VPS37A: variants seen among roughly 807,000 people sequenced by gnomAD.
The protein encoded by VPS37A is vacuolar protein sorting-associated protein 37A.
In VPS37A, 30 loss-of-function variants were observed where a neutral mutation model predicts 49.8. The observed-to-expected ratio is 0.60, with a 90% CI of 0.45 to 0.82. The LOEUF is 0.82. Ranked by LOEUF, VPS37A falls within the 40% of genes least tolerant of loss-of-function variation. The pLI, the probability that VPS37A is intolerant of heterozygous loss-of-function variation, is 0.00. For synonymous variants in VPS37A, 195 were observed against 160.6 expected (o/e 1.21, Z -1.62); for missense variants, 593 against 464.4 (o/e 1.28, Z -2.55).
chr8:17,279,840 A>C (rs1244730278), intron 6 of VPS37A, 188 bp from the exon 7 acceptor site: 2 of 702,902 alleles, frequency 2.8e-6, no homozygotes, highest in African/African-American at 3.5e-5. Context: ...TATATTACAG[A>C]CTGCTCTATG....
chr8:17,248,257 A>G (rs1364167677), intron 1 of VPS37A: 1 of 372,616 alleles, frequency 2.7e-6, no homozygotes, highest in Non-Finnish European at 5.4e-6. Context: ...TAAGTCCCTA[A>G]CCCCTTTTTT....
intron 11 of VPS37A, among the ~76,000 whole-genome samples, chr8:17,291,630 C>G (rs1391040690): frequency 3.9e-5 from 6 of 152,058 alleles, no homozygotes; most frequent in African/African-American, 1.4e-4. Flanking sequence ...ATAAATTTCC[C>G]TCTAAACACA....
intron 1 of VPS37A, among the ~76,000 whole-genome samples, chr8:17,256,726 C>G (rs951046730): frequency 6.6e-6 from 1 of 151,764 alleles, no homozygotes; most frequent in African/African-American, 2.4e-5. Context: ...TGTCTCGGCT[C>G]ACCACAACCT....
downstream of VPS37A, chr8:17,302,369 C>A: frequency 7.3e-7 from 1 of 1,371,566 alleles, no homozygotes; most frequent in South Asian, 1.5e-5. Context: ...TATGATACCA[C>A]AGTCTTAATA....
downstream of VPS37A, chr8:17,301,810 C>G: frequency 3.2e-6 from 1 of 316,670 alleles, no homozygotes. Context: ...AAGAGTTTTA[C>G]AAGTACATAT....
Position 17,280,262 on chromosome 8 carries a change from A to C in VPS37A, c.865A>C (p.Ser289Arg), listed in dbSNP as rs1158491697. The change falls in exon 8 of 12, where the codon AGC (serine) becomes CGC (arginine). Residue 289 changes from serine (S) to arginine (R), a missense_variant. Transcript: ENST00000324849. ...LARKNLLLEPSLEAKRQTVLD... is the reference protein window; with the variant it reads ...LARKNLLLEPRLEAKRQTVLD... ...AGGAAAAAATCTCCTTTTGGAGCCCAGCTTGGAAGCCAAAAGACAAACTGT... is the reference window on the plus strand; with the variant it reads ...AGGAAAAAATCTCCTTTTGGAGCCCCGCTTGGAAGCCAAAAGACAAACTGT... The C allele has an allele frequency of 4.3e-6, 7 of 1,612,788 alleles. No individual in the cohort carries two copies. The Admixed American group carries it at 1.0e-4, about 23-fold the overall frequency.
At chr8:17,277,980 A>C (rs540152623) in intron 6 of VPS37A, among the ~76,000 whole-genome samples, 1 of 152,218 alleles carries the variant, frequency 6.6e-6, no homozygotes, top group African/African-American at 2.4e-5. Flanking sequence ...CCATGTACAT[A>C]CATCCATGCG....
rs116183456 is a variant in VPS37A, at chr8:17,257,167, G to A, written c.126-8740G>A. On this transcript the variant is annotated intron_variant, in intron 1 of 11. Transcript: ENST00000324849. ...ATAGTTACCCAATTTTCCCAGCACC[G>A]TTTATTGAAAACATCATCCTTTCTC... Among the ~76,000 whole-genome samples the A allele has an allele frequency of 5.3e-3, 807 of 152,164 alleles. 8 individuals are homozygous for A. The highest frequency in any genetic ancestry group is 0.018 in the African/African-American group (766 of 41,512).
At chr8:17,287,342 G>T (rs1433858416) in intron 11 of VPS37A, among the ~76,000 whole-genome samples, 1 of 152,084 alleles carries the variant, frequency 6.6e-6, no homozygotes, top group African/African-American at 2.4e-5. Context: ...GAGGCTGCTT[G>T]TTTGGTTGTT....
chr8:17,318,596 T>A, the VPS37A span, among the ~76,000 whole-genome samples: 1 of 152,166 alleles, frequency 6.6e-6, no homozygotes, highest in African/African-American at 2.4e-5. Context: ...GCCACTGCAG[T>A]GGGGTCCTAC....
rs529736602 is a variant in VPS37A, at chr8:17,256,290, A to ATTTTTTTTTTTTTTTTTTT, written c.125+8931_125+8949dup. ...AAGTCTTTTTAGCTGGGGTAAAATG[A>ATTTTTTTTTTTTTTTTTTT]TTTTTTTTTTTTTTTTTTTTTTTTT... On this transcript the variant is annotated intron_variant, in intron 1 of 11. Coordinates refer to ENST00000324849, the MANE Select transcript of VPS37A (RefSeq NM_152415.3). Among the ~76,000 whole-genome samples the ATTTTTTTTTTTTTTTTTTT allele has an allele frequency of 6.3e-4, 38 of 60,402 alleles. 7 individuals carry two copies. The highest frequency in any genetic ancestry group is 2.7e-3 in the African/African-American group (37 of 13,738). The allele number at this position is 60,402 out of a possible 152,430, so 39.6% of individuals were successfully genotyped here.
downstream of VPS37A, among the ~76,000 whole-genome samples, chr8:17,301,375 G>C (rs560338726): frequency 7.4e-4 from 112 of 152,284 alleles, 1 homozygote; most frequent in Admixed American, 6.9e-3. Context: ...ATTTAAACTT[G>C]GACATTCTGG....
chr8:17,252,127 A>G (rs1812038871), intron 1 of VPS37A, among the ~76,000 whole-genome samples: 1 of 152,160 alleles, frequency 6.6e-6, no homozygotes, highest in South Asian at 2.1e-4. Flanking sequence ...TTTATTATCA[A>G]CAGTCAAAAT....
chr8:17,255,367 G>C (rs1812345159), intron 1 of VPS37A, among the ~76,000 whole-genome samples: 1 of 152,142 alleles, frequency 6.6e-6, no homozygotes, highest in Non-Finnish European at 1.5e-5. Context: ...TGTAATCCCA[G>C]CTACTCGGGA....
At chr8:17,323,308 C>T in the VPS37A span, among the ~76,000 whole-genome samples, 14 of 151,980 alleles carry the variant, frequency 9.2e-5, no homozygotes, top group African/African-American at 3.4e-4. Context: ...ACAGCAAATA[C>T]ACTGGGGTCG....
intron 2 of VPS37A, among the ~76,000 whole-genome samples, chr8:17,266,250 C>A (rs1813442162): frequency 6.6e-6 from 1 of 151,966 alleles, no homozygotes; most frequent in Non-Finnish European, 1.5e-5. Flanking sequence ...GCACTAAAAT[C>A]TTAGCAGGAG....
At chr8:17,262,075 G>A (rs1053812465) in intron 1 of VPS37A, among the ~76,000 whole-genome samples, 1 of 152,136 alleles carries the variant, frequency 6.6e-6, no homozygotes, top group East Asian at 1.9e-4. Context: ...ATCGTGAGTC[G>A]AGGGGAAATT....
At chr8:17,331,270 C>T in the VPS37A span, 5 of 1,606,130 alleles carry the variant, frequency 3.1e-6, no homozygotes, top group East Asian at 2.2e-5. Context: ...GCACGATTTG[C>T]CATTGCATTA....
chr8:17,284,490 C>G lies in VPS37A; in HGVS notation c.987C>G (p.Ala329=), dbSNP rs758870167. The change falls in exon 10 of 12, where the codon GCC becomes GCG. Residue 329 remains alanine (A), a synonymous_variant. Transcript: ENST00000324849. The stretch of plus-strand genomic sequence containing the variant: ...TTTTTCAGAGCTGTAGTGCAAGTGC[C>G]CTTCAGGCAAGATTGAAAGTAGCTG... ...HELSESCSAS[A]LQARLKVAAH... is the part of the protein sequence containing the mutation. The G allele has an allele frequency of 1.3e-6, 2 of 1,586,464 alleles. No homozygotes were observed. The highest frequency in any genetic ancestry group is 2.7e-5 in the African/African-American group (2 of 72,882).
Sources: gnomAD v4.1 joint callset for allele counts (sites outside exome capture counted in the v4.1 genomes callset) on GRCh38, gnomAD v4.1.1 for gene constraint, MANE v1.5 for transcripts, NCBI Gene and HGNC (gene_info 2026-07-23, HGNC 2026-07-21) for gene names.